The following MCMBP variants were observed in gnomAD, a reference collection of about 807,000 sequenced individuals.
The protein encoded by MCMBP is minichromosome maintenance complex binding protein, also known as mini-chromosome maintenance complex-binding protein.
Under a neutral mutation model 81.3 loss-of-function variants are expected in MCMBP, and 31 were observed. The observed-to-expected ratio is 0.38, with a 90% CI of 0.29 to 0.51. The LOEUF (loss-of-function observed/expected upper bound fraction) is 0.51, where lower values mean the gene tolerates loss of function less well. Among genes scored for constraint, MCMBP ranks in the 20% least tolerant of loss-of-function variants. The pLI, the probability that MCMBP is intolerant of heterozygous loss-of-function variation, is 0.87. For synonymous variants in MCMBP, 267 were observed against 275.9 expected, an observed-to-expected ratio of 0.97 and a Z score of 0.32; for missense variants, 645 against 772.1, an observed-to-expected ratio of 0.84 and a Z score of 1.95.
Position 119,840,974 on chromosome 10 carries a change from AAATC to A in MCMBP, c.1125-18_1125-15del, listed in dbSNP as rs759794185. 9.0e-6 allele frequency: 13 copies of A among 1,438,982 alleles called. No individual in the cohort carries two copies. In the East Asian group the frequency reaches 1.8e-4, roughly 20 times the overall value. 89.1% of individuals were successfully genotyped at this position (1,438,982 alleles called of 1,614,324 possible). A position where few individuals can be genotyped will look rare whatever the true frequency, so the allele number is the denominator to read the frequency against. On this transcript the variant is annotated splice_polypyrimidine_tract_variant and intron_variant, in intron 10 of 15. Transcript: ENST00000369077. ...CTTCTTGTATATCTAGAAAAGAAAG[AAATC>A]AATCAATAAGATGCTGAAGTGACTT...
chr10:119,841,293 C>CT (rs1354891877), intron 10 of MCMBP, among the ~76,000 whole-genome samples: 15 of 152,212 alleles, frequency 9.9e-5, no homozygotes, highest in African/African-American at 3.6e-4. Context: ...TAAATGGAAG[C>CT]TGACAGAGCT....
chr10:119,842,149 G>C (rs982885618), intron 10 of MCMBP, among the ~76,000 whole-genome samples: 5 of 152,080 alleles, frequency 3.3e-5, no homozygotes, highest in Non-Finnish European at 7.4e-5. Context: ...GAGGTGGAAC[G>C]GTTTCATACT....
In MCMBP at chr10:119,856,845, G is replaced by A. The variant is rs78267702; in HGVS notation, c.429+493C>T. Among the ~76,000 whole-genome samples the A allele has an allele frequency of 0.012, 1,773 of 151,816 alleles. 129 individuals are homozygous for A. In the East Asian group the frequency reaches 0.18, roughly 15 times the overall value. Reference sequence around the variant, plus strand: ...CAGTACCTTTAAATGTGCCTTAGGCGGAGCATGCACTCTGGTAGGCTGAGG... The same window carrying A: ...CAGTACCTTTAAATGTGCCTTAGGCAGAGCATGCACTCTGGTAGGCTGAGG... On this transcript the variant is annotated intron_variant, in intron 5 of 15. Transcript: ENST00000369077.
At chr10:119,873,581 C>T (rs1278751414), upstream of MCMBP, 2 of 152,272 alleles carry the variant, frequency 1.3e-5, no homozygotes, top group Non-Finnish European at 2.9e-5. Context: ...GAGAAGGAAG[C>T]TACGAAGACC....
At chr10:119,867,372 A>C (rs1853506731) in intron 1 of MCMBP, among the ~76,000 whole-genome samples, 1 of 149,990 alleles carries the variant, frequency 6.7e-6, no homozygotes, top group South Asian at 2.1e-4. Flanking sequence ...TCATACCATC[A>C]TGTTGATTTT....
chr10:119,869,689 C>A (rs892296100), intron 1 of MCMBP, among the ~76,000 whole-genome samples: 6 of 152,174 alleles, frequency 3.9e-5, no homozygotes, highest in African/African-American at 1.4e-4. Flanking sequence ...CGAGATCACA[C>A]TGTTGCACTC....
chr10:119,858,749 C>A, intron 4 of MCMBP, 135 bp downstream of exon 4: 2 of 730,702 alleles, frequency 2.7e-6, no homozygotes, highest in Non-Finnish European at 4.4e-6. Context: ...TAAATAAAAC[C>A]AAATAAGGAA....
At chr10:119,861,313 A>T (rs1489494770) in intron 1 of MCMBP, among the ~76,000 whole-genome samples, 1 of 152,160 alleles carries the variant, frequency 6.6e-6, no homozygotes, top group East Asian at 1.9e-4. Context: ...CGTTAAATCC[A>T]CTAACAAACT....
In MCMBP at chr10:119,869,612, T is replaced by A. The variant is rs539775543; in HGVS notation, c.58+2915A>T. 3.3e-5 allele frequency among the ~76,000 whole-genome samples: 5 copies of A among 151,814 alleles called. No homozygotes were observed. The South Asian group carries it at 1.0e-3, about 32-fold the overall frequency. ...AGCTGGGCATGGTGGCAGGCACTTG[T>A]AATCCCAGCTACTCCAGAGGCTGAG... On this transcript the variant is annotated intron_variant, in intron 1 of 15. Transcript: ENST00000369077.
intron 6 of MCMBP, among the ~76,000 whole-genome samples, 155 bp from the exon 7 acceptor site, chr10:119,849,731 CAA>C (rs1405982593): frequency 6.6e-6 from 1 of 152,200 alleles, no homozygotes; most frequent in Non-Finnish European, 1.5e-5. Context: ...CACATACTAA[CAA>C]AGTCTTTTGT....
At chr10:119,855,244 C>T (rs1198246535) in intron 5 of MCMBP, among the ~76,000 whole-genome samples, 1 of 152,128 alleles carries the variant, frequency 6.6e-6, no homozygotes, top group African/African-American at 2.4e-5. Flanking sequence ...AATTAAATGA[C>T]AGTAAAAACC....
chr10:119,866,515 A>G (rs1853460582), intron 1 of MCMBP, among the ~76,000 whole-genome samples: 1 of 152,172 alleles, frequency 6.6e-6, no homozygotes, highest in African/African-American at 2.4e-5. Flanking sequence ...GATCCCAGCT[A>G]CTTGGGAGGC....
chr10:119,832,389 C>G (rs1852080757), intron 14 of MCMBP, among the ~76,000 whole-genome samples: 1 of 152,124 alleles, frequency 6.6e-6, no homozygotes, highest in South Asian at 2.1e-4. Context: ...GAAGGGACCG[C>G]AGAAAACTGT....
Position 119,831,469 on chromosome 10 carries a change from C to T in MCMBP, c.*5G>A. 6.2e-7 allele frequency: 1 copy of T among 1,613,690 alleles called. No homozygotes were observed. The highest frequency in any genetic ancestry group is 8.5e-7 in the Non-Finnish European group (1 of 1,179,772). On this transcript the variant is annotated 3_prime_UTR_variant, in exon 16 of 16. Transcript: ENST00000369077. The stretch of plus-strand genomic sequence containing the variant: ...TGCCCATTACTCTTCATAGGTATTA[C>T]ATCTTTAAAGTTCATTTCCATTCAC...
intron 14 of MCMBP, among the ~76,000 whole-genome samples, chr10:119,833,507 GA>G (rs1378391807): frequency 6.6e-6 from 1 of 151,510 alleles, no homozygotes; most frequent in Non-Finnish European, 1.5e-5. Flanking sequence ...AAAAAGAAAA[GA>G]AAAAACAAAA....
chr10:119,847,528 T>A, intron 8 of MCMBP, 85 bp downstream of exon 8: 1 of 691,608 alleles, frequency 1.4e-6, no homozygotes, highest in Non-Finnish European at 2.4e-6. Context: ...GAAAAGGGAG[T>A]TCTTTAAAAC....
rs1359393490 is a variant in MCMBP at position 119,847,109 on chromosome 10, A to G, written c.827+504T>C. Reference sequence around the variant, plus strand: ...GTTTAAGAGAGTTACACTAATACAGAAAGGAGAACAAGCAGAACGACACCT... The same window carrying G: ...GTTTAAGAGAGTTACACTAATACAGGAAGGAGAACAAGCAGAACGACACCT... On this transcript the variant is annotated intron_variant, in intron 8 of 15. Coordinates refer to ENST00000369077, the MANE Select transcript of MCMBP (RefSeq NM_001256378.2). Among the ~76,000 whole-genome samples the G allele has an allele frequency of 5.3e-5, 8 of 152,206 alleles. No homozygotes were observed. In the South Asian group the frequency reaches 1.0e-3, roughly 20 times the overall value.
chr10:119,857,677 C>T (rs1272697573), intron 4 of MCMBP: 2 of 325,194 alleles, frequency 6.2e-6, no homozygotes, highest in South Asian at 4.9e-5. Flanking sequence ...TCTGGAGTGA[C>T]TTATAATCTG....
Position 119,843,331 on chromosome 10 carries a change from T to C in MCMBP, c.923A>G (p.His308Arg), listed in dbSNP as rs147386701. Reference protein sequence around the residue: ...SPPASLVPRIHVILAQKLQHI... With the variant: ...SPPASLVPRIRVILAQKLQHI... ...TTGCAACTTCTGGGCTAAGATCACA[T>C]GAATTCTCGGCACTAATGAAGCAGG... Residue 308 changes from histidine (H) to arginine (R), a missense_variant, in exon 9 of 16, where the codon CAT becomes CGT. Transcript: ENST00000369077. The C allele has an allele frequency of 6.2e-7, 1 of 1,613,970 alleles. No homozygotes were observed. The highest frequency in any genetic ancestry group is 8.5e-7 in the Non-Finnish European group (1 of 1,179,954).
Sources: gnomAD v4.1 joint callset for allele counts (sites outside exome capture counted in the v4.1 genomes callset) on GRCh38, gnomAD v4.1.1 for gene constraint, MANE v1.5 for transcripts, NCBI Gene and HGNC (gene_info 2026-07-23, HGNC 2026-07-21) for gene names.